EYS: variants seen among roughly 807,000 people sequenced by gnomAD.
EYS encodes the protein protein eyes shut homolog.
EYS carries 250 observed loss-of-function variants against 282.1 expected under a neutral mutation model. That is an observed-to-expected ratio of 0.89 (90% confidence interval 0.80 to 0.98). The LOEUF is 0.98. Among genes scored for constraint, EYS ranks in the 50% least tolerant of loss-of-function variants. The probability of loss-of-function intolerance (pLI) is 0.00; values close to 1 mark genes in which losing one functional copy is unlikely to be tolerated. For synonymous variants in EYS, 1,355 were observed against 1,282.9 expected, an observed-to-expected ratio of 1.06 and a Z score of -1.20; for missense variants, 4,016 against 3,709.0, an observed-to-expected ratio of 1.08 and a Z score of -2.15.
rs553295923 is a variant in EYS, at chr6:64,898,295, A to T, written c.2846+3818T>A. On this transcript the variant is annotated intron_variant, in intron 18 of 42. Coordinates refer to ENST00000503581, the MANE Select transcript of EYS (RefSeq NM_001142800.2). ...ACAAGCCAGAAGACAGTGTGGACCAATATTCACATTCTTAAAGAAAAGAAT... is the reference window on the plus strand; with the variant it reads ...ACAAGCCAGAAGACAGTGTGGACCATTATTCACATTCTTAAAGAAAAGAAT... 1.1e-4 allele frequency among the ~76,000 whole-genome samples: 17 copies of T among 152,296 alleles called. No homozygotes were observed. In the South Asian group the frequency reaches 3.5e-3, roughly 32 times the overall value.
At chr6:64,955,305 C>CT (rs1769660300) in intron 14 of EYS, among the ~76,000 whole-genome samples, 2 of 151,454 alleles carry the variant, frequency 1.3e-5, no homozygotes, top group African/African-American at 4.9e-5. Flanking sequence ...ATATACGACA[C>CT]TGATGAAGGA....
chr6:65,180,269 C>A (rs951351843), intron 12 of EYS, among the ~76,000 whole-genome samples: 2 of 151,960 alleles, frequency 1.3e-5, no homozygotes, highest in Non-Finnish European at 1.5e-5. Context: ...TCAAATTGTC[C>A]CTGTTTGCAG....
chr6:65,034,046 G>A (rs1772690529), intron 13 of EYS, among the ~76,000 whole-genome samples: 1 of 152,170 alleles, frequency 6.6e-6, no homozygotes, highest in African/African-American at 2.4e-5. Flanking sequence ...AGATTATTTT[G>A]AAGCTTTAAG....
chr6:63,753,972 A>G (rs938623281), intron 41 of EYS, among the ~76,000 whole-genome samples: 4 of 152,070 alleles, frequency 2.6e-5, no homozygotes, highest in African/African-American at 4.8e-5. Context: ...AATTAATTCT[A>G]TCACTTTCTA....
intron 2 of EYS, among the ~76,000 whole-genome samples, chr6:65,601,099 T>G (rs1278349790): frequency 6.6e-6 from 1 of 151,974 alleles, no homozygotes; most frequent in African/African-American, 2.4e-5. Flanking sequence ...ATTTATAGAT[T>G]CATACTCCAG....
chr6:64,338,442 C>T (rs1770948433), intron 29 of EYS, among the ~76,000 whole-genome samples: 1 of 151,780 alleles, frequency 6.6e-6, no homozygotes, highest in African/African-American at 2.4e-5. Flanking sequence ...AAAACCTCCT[C>T]AAGGAAAACT....
Position 64,729,101 on chromosome 6 carries a change from T to C in EYS, c.3443+84277A>G, listed in dbSNP as rs558544761. ...ACAGGATTGGGGGAAGAGTGGGCCA[T>C]AGGTGGTTTTGGAAAAGGCAACATT... On this transcript the variant is annotated intron_variant, in intron 22 of 42. Transcript: ENST00000503581. 4 of 152,426 alleles carry C rather than the reference T, an allele frequency of 2.6e-5. No homozygotes were observed. The South Asian group carries it at 6.2e-4, about 24-fold the overall frequency. 9.4% of individuals were successfully genotyped at this position (152,426 alleles called of 1,614,324 possible).
At chr6:65,547,335 G>A (rs1265431359) in intron 2 of EYS, among the ~76,000 whole-genome samples, 1 of 151,404 alleles carries the variant, frequency 6.6e-6, no homozygotes, top group South Asian at 2.1e-4. Context: ...TTCTAATGTT[G>A]GTCATAGAGG....
At chr6:63,860,003 CA>C (rs1282587059) in intron 36 of EYS, among the ~76,000 whole-genome samples, 4 of 152,186 alleles carry the variant, frequency 2.6e-5, no homozygotes, top group Non-Finnish European at 5.9e-5. Context: ...AGCAAAAAGG[CA>C]AAGTCCCAGA....
chr6:65,215,534 A>G (rs1766291444), intron 12 of EYS, among the ~76,000 whole-genome samples: 1 of 152,212 alleles, frequency 6.6e-6, no homozygotes, highest in South Asian at 2.1e-4. Context: ...TGCTGTGAAC[A>G]TTGTTGAAAT....
chr6:64,709,912 A>C (rs1186083676), intron 22 of EYS, among the ~76,000 whole-genome samples: 9 of 152,208 alleles, frequency 5.9e-5, no homozygotes, highest in African/African-American at 2.2e-4. Flanking sequence ...TCTTCAGCTA[A>C]GTCTTGGAAT....
intron 5 of EYS, among the ~76,000 whole-genome samples, chr6:65,415,147 C>T (rs1767179608): frequency 6.6e-6 from 1 of 152,016 alleles, no homozygotes; most frequent in African/African-American, 2.4e-5. Context: ...AGAACTGTTT[C>T]TATGGTATAG....
intron 1 of EYS, among the ~76,000 whole-genome samples, chr6:65,652,805 G>C (rs1414294088): frequency 1.3e-5 from 2 of 151,928 alleles, no homozygotes; most frequent in African/African-American, 4.8e-5. Context: ...CATGAGCTTA[G>C]TTTAATGAAT....
At chr6:65,230,179 G>T (rs1766730746) in intron 12 of EYS, among the ~76,000 whole-genome samples, 1 of 151,816 alleles carries the variant, frequency 6.6e-6, no homozygotes, top group Non-Finnish European at 1.5e-5. Flanking sequence ...GTAATCTAAA[G>T]ATAAATTAAG....
At chr6:65,290,728 G>T (rs771184298) in intron 12 of EYS, among the ~76,000 whole-genome samples, 25 of 151,372 alleles carry the variant, frequency 1.7e-4, no homozygotes, top group Non-Finnish European at 3.1e-4. Flanking sequence ...TAGTGCATCA[G>T]TGTGTGCAAT....
chr6:64,579,853 T>C (rs6928743), intron 26 of EYS, among the ~76,000 whole-genome samples: 107,632 of 151,846 alleles, frequency 0.71, 38,250 homozygotes, highest in South Asian at 0.78. Context: ...TGAAATAAGC[T>C]ATGATCTCTT....
chr6:64,349,729 T>C (rs766184995), intron 29 of EYS, among the ~76,000 whole-genome samples: 14 of 151,480 alleles, frequency 9.2e-5, no homozygotes, highest in Non-Finnish European at 1.6e-4. Context: ...TTAAACTGTC[T>C]GCAATTTGTT....
intron 21 of EYS, among the ~76,000 whole-genome samples, chr6:64,819,206 T>C (rs1047641459): frequency 2.6e-5 from 4 of 152,162 alleles, no homozygotes; most frequent in Non-Finnish European, 4.4e-5. Flanking sequence ...GTAGATCACT[T>C]TCCATGTGGA....
At chr6:64,735,101 T>G (rs1430316571) in intron 22 of EYS, among the ~76,000 whole-genome samples, 2 of 152,134 alleles carry the variant, frequency 1.3e-5, no homozygotes, top group South Asian at 2.1e-4. Flanking sequence ...TTGTTTTTTT[T>G]GAGACCCAGT....
Sources: gnomAD v4.1 joint callset for allele counts (sites outside exome capture counted in the v4.1 genomes callset) on GRCh38, gnomAD v4.1.1 for gene constraint, MANE v1.5 for transcripts, NCBI Gene and HGNC (gene_info 2026-07-23, HGNC 2026-07-21) for gene names.